Variants in TRIM11 observed in about 807,000 individuals in gnomAD.
TRIM11 encodes the protein E3 ubiquitin-protein ligase TRIM11.
A neutral mutation model predicts 33.4 loss-of-function variants in TRIM11; 15 were observed. The observed-to-expected ratio is 0.45, with a 90% CI of 0.30 to 0.69. TRIM11 has a LOEUF of 0.69. Among genes scored for constraint, TRIM11 ranks in the 30% least tolerant of loss-of-function variants. The pLI, the probability that TRIM11 is intolerant of heterozygous loss-of-function variation, is 0.08. For missense variants in TRIM11, 499 were observed against 667.6 expected (o/e 0.75, Z 2.78); for synonymous variants, 281 against 302.6 (o/e 0.93, Z 0.74).
intron 3 of TRIM11, among the ~76,000 whole-genome samples, chr1:228,399,034 A>G (rs1008522251): frequency 5.9e-5 from 9 of 152,214 alleles, no homozygotes; most frequent in African/African-American, 2.2e-4. Flanking sequence ...CCCAGAGTCC[A>G]TAGCAGCCAG....
Position 228,396,944 on chromosome 1 carries a change from T to C in TRIM11, c.859+3A>G, listed in dbSNP as rs1439534716. 6.2e-7 allele frequency: 1 copy of C among 1,614,004 alleles called. No individual in the cohort carries two copies. On this transcript the variant is annotated splice_donor_region_variant and intron_variant, in intron 5 of 5. Coordinates refer to ENST00000284551, the MANE Select transcript of TRIM11 (RefSeq NM_145214.3). ...TCTCCCCACCTGGGGCCTCCACACC[T>C]ACCTCGAAACCTCCGCAGTGTCTCT... is the stretch of plus-strand genomic sequence containing the variant.
intron 3 of TRIM11, among the ~76,000 whole-genome samples, chr1:228,398,943 G>A (rs551363001): frequency 2.6e-4 from 40 of 152,132 alleles, no homozygotes; most frequent in Admixed American, 2.2e-3. Context: ...CACAGAACAC[G>A]GGCCCTCCAG....
Position 228,400,902 on chromosome 1 carries a change from C to T in TRIM11, c.735+62G>A, listed in dbSNP as rs1656185048. On this transcript the variant is annotated intron_variant, in intron 3 of 5. Coordinates refer to ENST00000284551, the MANE Select transcript of TRIM11 (RefSeq NM_145214.3). This position sits in a 1 kb window ranked among gnomAD's most constrained non-coding sequence, Gnocchi z 4.5. ...TGCTTCTTGCACTTTCTGGTTCTCC[C>T]TCCCCCAGTGTGGCCAGGCCATGCC... The T allele has an allele frequency of 1.4e-6, 2 of 1,448,004 alleles. No individual in the cohort carries two copies. Among genetic ancestry groups the T allele is most frequent in the Admixed American group, 2.7e-5 (1 of 37,634 alleles). The allele number at this position is 1,448,004 out of a possible 1,614,324, so 89.7% of individuals were successfully genotyped here.
rs1433917866 is a variant in TRIM11 at position 228,403,545 on chromosome 1, C to T, written c.409-1384G>A. 2 of 152,510 alleles carry T rather than the reference C, an allele frequency of 1.3e-5. No homozygotes were observed. The highest frequency in any genetic ancestry group is 2.9e-5 in the Non-Finnish European group (2 of 68,128). 9.4% of individuals were successfully genotyped at this position (152,510 alleles called of 1,614,324 possible). A position where few individuals can be genotyped will look rare whatever the true frequency, so the allele number is the denominator to read the frequency against. ...CCCAGGCCTCTCTCCTCACTGCTGC[C>T]GACCTGTTCCAGAAAACTCAGGCCT... On this transcript the variant is annotated intron_variant, in intron 1 of 5. Transcript: ENST00000284551. The surrounding 1 kb of genome is among the most constrained non-coding windows in gnomAD (Gnocchi z 4.8).
chr1:228,406,301 G>A lies in TRIM11; in HGVS notation c.261C>T (p.Val87=), dbSNP rs546518662. Residue 87 remains valine (V), a synonymous_variant, in exon 1 of 6, where the codon GTC becomes GTT. Coordinates refer to ENST00000284551, the MANE Select transcript of TRIM11 (RefSeq NM_145214.3). This position sits in a 1 kb window ranked among gnomAD's most constrained non-coding sequence, Gnocchi z 8.2. The stretch of plus-strand genomic sequence containing the variant: ...GGTGCGCGGGGCACACGCCCTGCGG[G>A]ACCGGCGACGGCGGGTGCAGGCGCC... ...MARRLHPPSP[V]PQGVCPAHRE... is the part of the protein sequence containing the mutation. 81 of 1,476,318 alleles carry A rather than the reference G, an allele frequency of 5.5e-5. 3 individuals are homozygous for A. In the African/African-American group the frequency reaches 1.1e-3, roughly 20 times the overall value. 91.5% of individuals were successfully genotyped at this position (1,476,318 alleles called of 1,614,324 possible). A position where few individuals can be genotyped will look rare whatever the true frequency, so the allele number is the denominator to read the frequency against.
Position 228,406,137 on chromosome 1 carries a change from C to A in TRIM11, c.408+17G>T. 1 of 1,361,626 alleles carries A rather than the reference C, an allele frequency of 7.3e-7. No homozygotes were observed. Among genetic ancestry groups the A allele is most frequent in the Non-Finnish European group, 9.4e-7 (1 of 1,063,348 alleles). 84.3% of individuals were successfully genotyped at this position (1,361,626 alleles called of 1,614,324 possible). A position where few individuals can be genotyped will look rare whatever the true frequency, so the allele number is the denominator to read the frequency against. On this transcript the variant is annotated intron_variant, in intron 1 of 5. Coordinates refer to ENST00000284551, the MANE Select transcript of TRIM11 (RefSeq NM_145214.3). The surrounding 1 kb of genome is among the most constrained non-coding windows in gnomAD (Gnocchi z 8.2). ...GGCTCCCCGACGCCCCTGCACGCCACCCCCGCCCAGGAGCACCTTGAGGTC... is the reference window on the plus strand; with the variant it reads ...GGCTCCCCGACGCCCCTGCACGCCAACCCCGCCCAGGAGCACCTTGAGGTC...
chr1:228,396,628 A>C (rs995761659), intron 5 of TRIM11: 15 of 692,360 alleles, frequency 2.2e-5, no homozygotes, highest in Non-Finnish European at 3.8e-5. Flanking sequence ...AAGTGGGGGC[A>C]GTCTTATGGG....
intron 1 of TRIM11, 165 bp downstream of exon 1, chr1:228,405,989 G>T: frequency 1.3e-6 from 1 of 780,712 alleles, no homozygotes; most frequent in Non-Finnish European, 1.8e-6. Flanking sequence ...CAGCCACCCT[G>T]CGCGACACCC....
intron 3 of TRIM11, among the ~76,000 whole-genome samples, chr1:228,398,911 C>T (rs1558446857): frequency 6.6e-6 from 1 of 151,996 alleles, no homozygotes; most frequent in Non-Finnish European, 1.5e-5. Context: ...ACCTTGGCCT[C>T]GACAAGGGGG....
At chr1:228,396,508 G>A in intron 5 of TRIM11, 1 of 601,080 alleles carries the variant, frequency 1.7e-6, no homozygotes, top group Non-Finnish European at 3.0e-6. Flanking sequence ...ATGACAGTAA[G>A]TAAAGTGCTC....
Position 228,402,160 on chromosome 1 carries a change from G to A in TRIM11, c.410C>T (p.Ala137Val), listed in dbSNP as rs143926476. ...PLQDAAEDLK[A>V]KLEKSLEHLR... is the part of the protein sequence containing the mutation. ...ATGCTCCAGTGACTTCTCCAGCTTC[G>A]CCTGCGGGAGAGGCCAGGCAGGACC... is the stretch of plus-strand genomic sequence containing the variant. The change falls in exon 2 of 6, where the codon GCG becomes GTG. Residue 137 changes from alanine (A) to valine (V), a missense_variant and splice_region_variant. Physicochemically the swap from Ala to Val is moderately conservative, Grantham distance 64. Transcript: ENST00000284551. 65 of 1,610,508 alleles carry A rather than the reference G, an allele frequency of 4.0e-5. No homozygotes were observed. The highest frequency in any genetic ancestry group is 3.2e-4 in the African/African-American group (24 of 74,916).
chr1:228,406,510 T>A lies in TRIM11; in HGVS notation c.52A>T (p.Ile18Phe). The A allele has an allele frequency of 6.3e-7, 1 of 1,579,302 alleles. No individual in the cohort carries two copies. Among genetic ancestry groups the A allele is most frequent in the East Asian group, 2.4e-5 (1 of 41,520 alleles). Reference sequence around the variant, plus strand: ...GGATCCGTGAAGTAGTCGAGGCAGATGGCGCAGGTGGCCTCCTCCTGGAGG... The same window carrying A: ...GGATCCGTGAAGTAGTCGAGGCAGAAGGCGCAGGTGGCCTCCTCCTGGAGG... ...TNLQEEATCAICLDYFTDPVM... is the reference protein window; with the variant it reads ...TNLQEEATCAFCLDYFTDPVM... The change falls in exon 1 of 6, where the codon ATC (isoleucine) becomes TTC (phenylalanine). Residue 18 changes from isoleucine (I) to phenylalanine (F), a missense_variant. Transcript: ENST00000284551. This position sits in a 1 kb window ranked among gnomAD's most constrained non-coding sequence, Gnocchi z 8.2.
chr1:228,399,849 C>T (rs1656108278), intron 3 of TRIM11, among the ~76,000 whole-genome samples: 1 of 133,674 alleles, frequency 7.5e-6, no homozygotes, highest in Non-Finnish European at 1.5e-5. Flanking sequence ...GATGGCTACA[C>T]TCTGACTGCA....
chr1:228,404,944 T>C (rs1268123163), intron 1 of TRIM11: 3 of 152,222 alleles, frequency 2.0e-5, no homozygotes, highest in Non-Finnish European at 4.4e-5. Flanking sequence ...CCAGTTTAAT[T>C]TGCAGCCCTG....
chr1:228,399,722 G>T (rs2075015333), intron 3 of TRIM11, among the ~76,000 whole-genome samples: 1 of 151,730 alleles, frequency 6.6e-6, no homozygotes, highest in Non-Finnish European at 1.5e-5. Context: ...CGCTTCCCAG[G>T]CTCAAAGCCA....
chr1:228,405,687 G>A (rs1656382108), intron 1 of TRIM11: 1 of 156,276 alleles, frequency 6.4e-6, no homozygotes, highest in Non-Finnish European at 1.4e-5. Context: ...GCCCAGTCTG[G>A]GGCTTTCCCA....
chr1:228,399,795 G>A (rs1242375811), intron 3 of TRIM11, among the ~76,000 whole-genome samples: 3 of 151,430 alleles, frequency 2.0e-5, no homozygotes, highest in Non-Finnish European at 4.4e-5. Context: ...CAGACTTGGA[G>A]GTGGGGGAAA....
intron 1 of TRIM11, chr1:228,404,422 C>G (rs1044538528): frequency 6.6e-6 from 1 of 152,326 alleles, no homozygotes; most frequent in Non-Finnish European, 1.5e-5. Context: ...AGTGGACACA[C>G]AGCCCCATAG....
chr1:228,406,773 C>G lies in TRIM11; in HGVS notation c.-212G>C, dbSNP rs1656436998. On this transcript the variant is annotated 5_prime_UTR_variant, in exon 1 of 6. Transcript: ENST00000284551. The surrounding 1 kb of genome is among the most constrained non-coding windows in gnomAD (Gnocchi z 8.2). Reference sequence around the variant, plus strand: ...TTCGGTAGCGCTGGGCGCGTAGGCTCCGAGCGCTCGGGGGACGCGGGACGT... The same window carrying G: ...TTCGGTAGCGCTGGGCGCGTAGGCTGCGAGCGCTCGGGGGACGCGGGACGT... 2.7e-6 allele frequency: 1 copy of G among 368,256 alleles called. No homozygotes were observed. Among genetic ancestry groups the G allele is most frequent in the African/African-American group, 2.2e-5 (1 of 45,222 alleles). The allele number at this position is 368,256 out of a possible 1,614,324, so 22.8% of individuals were successfully genotyped here.
Sources: gnomAD v4.1 joint callset for allele counts (sites outside exome capture counted in the v4.1 genomes callset) on GRCh38, gnomAD v4.1.1 for gene constraint, Gnocchi (gnomAD v3.1) non-coding constraint, MANE v1.5 for transcripts, NCBI Gene and HGNC (gene_info 2026-07-23, HGNC 2026-07-21) for gene names.